The following ICA1L variants were observed in gnomAD, a reference collection of about 807,000 sequenced individuals.
The protein encoded by ICA1L is islet cell autoantigen 1 like.
A neutral mutation model predicts 61.3 loss-of-function variants in ICA1L; 50 were observed. The ratio of observed to expected loss-of-function variants is 0.82; its 90% CI spans 0.65 to 1.03. ICA1L has a LOEUF of 1.03. Among genes scored for constraint, ICA1L ranks in the 50% least tolerant of loss-of-function variants. The probability of loss-of-function intolerance (pLI) is 0.00; values close to 1 mark genes in which losing one functional copy is unlikely to be tolerated. For missense variants in ICA1L, 508 were observed against 556.7 expected (o/e 0.91, Z 0.88); for synonymous variants, 161 against 191.3 (o/e 0.84, Z 1.31).
intron 9 of ICA1L, among the ~76,000 whole-genome samples, chr2:202,804,002 C>A (rs1372314612): frequency 6.6e-6 from 1 of 152,036 alleles, no homozygotes; most frequent in Non-Finnish European, 1.5e-5. Flanking sequence ...ATAATAGTTT[C>A]TTTTAAAGAC....
At chr2:202,862,000 C>T (rs1694931315) in intron 1 of ICA1L, among the ~76,000 whole-genome samples, 1 of 141,376 alleles carries the variant, frequency 7.1e-6, no homozygotes, top group South Asian at 2.2e-4. Flanking sequence ...CATTTATACA[C>T]CAGTCCACCC....
chr2:202,852,995 C>A (rs1456932539), intron 1 of ICA1L, among the ~76,000 whole-genome samples: 2 of 151,780 alleles, frequency 1.3e-5, no homozygotes, highest in Admixed American at 1.3e-4. Flanking sequence ...AACTGGCTAG[C>A]CATATATAGA....
chr2:202,796,898 G>T lies in ICA1L; in HGVS notation c.977C>A (p.Ser326Tyr), dbSNP rs144323453. 6.0e-5 allele frequency: 94 copies of T among 1,570,162 alleles called. No individual in the cohort carries two copies. The highest frequency in any genetic ancestry group is 9.6e-6 in the Non-Finnish European group (11 of 1,150,844). Reference protein sequence around the residue: ...REFGAPQFSNSENVAKDLPVD... With the variant: ...REFGAPQFSNYENVAKDLPVD... ...AGTGAAATGATTCTTACCATTTTCA[G>T]AGTTAGAAAACTGAGGTGCTCCAAA... Residue 326 changes from serine (S) to tyrosine (Y), a missense_variant, in exon 10 of 13, where the codon TCT (serine) becomes TAT (tyrosine). Physicochemically the swap from Ser to Tyr is moderately radical, Grantham distance 144. Transcript: ENST00000358299.
intron 1 of ICA1L, among the ~76,000 whole-genome samples, chr2:202,835,461 C>T (rs1403160058): frequency 6.6e-6 from 1 of 151,816 alleles, no homozygotes; most frequent in Non-Finnish European, 1.5e-5. Flanking sequence ...CCACCTTGGC[C>T]TCCCAAAGTG....
intron 1 of ICA1L, among the ~76,000 whole-genome samples, chr2:202,829,493 C>T (rs1693953719): frequency 6.6e-6 from 1 of 152,128 alleles, no homozygotes. Context: ...TTCCATCGCT[C>T]ATGCTGGAGT....
chr2:202,870,385 C>T (rs989421981), intron 1 of ICA1L: 3 of 152,144 alleles, frequency 2.0e-5, no homozygotes, highest in African/African-American at 4.8e-5. Context: ...AGAACACTGC[C>T]TTCCACATAG....
rs755524229 is a variant in ICA1L, at chr2:202,804,043, TA to T, written c.911-7080del. 2.0e-5 allele frequency among the ~76,000 whole-genome samples: 3 copies of T among 152,350 alleles called. No individual in the cohort carries two copies. In the South Asian group the frequency reaches 6.2e-4, roughly 32 times the overall value. On this transcript the variant is annotated intron_variant, in intron 9 of 12. Transcript: ENST00000358299. ...TCCTTCAAGCCTCCTTGCTTTGTGCTAATAACTCTTTGTTAAGCCCTAATGT... is the reference window on the plus strand; with the variant it reads ...TCCTTCAAGCCTCCTTGCTTTGTGCTATAACTCTTTGTTAAGCCCTAATGT...
intron 12 of ICA1L, among the ~76,000 whole-genome samples, chr2:202,781,844 C>G (rs1692415999): frequency 6.6e-6 from 1 of 152,090 alleles, no homozygotes; most frequent in African/African-American, 2.4e-5. Context: ...GCCAGTTTTC[C>G]AAGTGGTATT....
chr2:202,836,806 G>T lies in ICA1L; in HGVS notation c.-7-7790C>A, dbSNP rs13017420. Among the ~76,000 whole-genome samples the T allele has an allele frequency of 3.6e-3, 211 of 59,264 alleles. 3 individuals are homozygous for T. Among genetic ancestry groups the T allele is most frequent in the South Asian group, 7.4e-3 (6 of 814 alleles). 38.9% of individuals were successfully genotyped at this position (59,264 alleles called of 152,430 possible). A position where few individuals can be genotyped will look rare whatever the true frequency, so the allele number is the denominator to read the frequency against. The stretch of plus-strand genomic sequence containing the variant: ...TAGTGTGTGTATATCTATATATATA[G>T]ATATATATAGATATATAGATATAGA... On this transcript the variant is annotated intron_variant, in intron 1 of 12. Coordinates refer to ENST00000358299, the MANE Select transcript of ICA1L (RefSeq NM_001288622.3).
At chr2:202,793,616 T>G (rs868159204) in intron 10 of ICA1L, among the ~76,000 whole-genome samples, 1 of 144,328 alleles carries the variant, frequency 6.9e-6, no homozygotes. Context: ...GAGGTGGAGG[T>G]TCCAGTGAGC....
chr2:202,792,663 G>A (rs571146444), intron 10 of ICA1L, among the ~76,000 whole-genome samples: 17 of 152,078 alleles, frequency 1.1e-4, no homozygotes, highest in South Asian at 6.3e-4. Flanking sequence ...CAAATTAGCC[G>A]GGCATGGTGA....
intron 1 of ICA1L, among the ~76,000 whole-genome samples, chr2:202,832,651 C>A (rs539300893): frequency 6.6e-6 from 1 of 152,158 alleles, no homozygotes; most frequent in South Asian, 2.1e-4. Flanking sequence ...TGGAGGCTCA[C>A]ACCTGTAATC....
intron 1 of ICA1L, among the ~76,000 whole-genome samples, chr2:202,867,561 A>G (rs1687552755): frequency 6.6e-6 from 1 of 152,238 alleles, no homozygotes. Context: ...TCTGTGGTCC[A>G]TCATTGACCA....
chr2:202,798,189 T>G (rs1692986772), intron 9 of ICA1L, among the ~76,000 whole-genome samples: 1 of 152,212 alleles, frequency 6.6e-6, no homozygotes, highest in Non-Finnish European at 1.5e-5. Context: ...TGATGAACAC[T>G]TACAATGATT....
rs980885751 is a variant in ICA1L, at chr2:202,774,906, C to T, written c.*4627G>A. The T allele has an allele frequency of 1.3e-5, 2 of 152,366 alleles. No individual in the cohort carries two copies. The highest frequency in any genetic ancestry group is 4.8e-5 in the African/African-American group (2 of 41,564). 9.4% of individuals were successfully genotyped at this position (152,366 alleles called of 1,614,324 possible). ...GCAAAATCTCACCCACAACACCAGT[C>T]AGAACTTCATCTCCTTTTTGTATTT... On this transcript the variant is annotated 3_prime_UTR_variant, in exon 13 of 13. Coordinates refer to ENST00000358299, the MANE Select transcript of ICA1L (RefSeq NM_001288622.3).
intron 1 of ICA1L, among the ~76,000 whole-genome samples, chr2:202,850,056 G>GAAA (rs1559147572): frequency 6.6e-6 from 1 of 152,132 alleles, no homozygotes; most frequent in Non-Finnish European, 1.5e-5. Context: ...CAGAAGAGGG[G>GAAA]CCTGTTAGAA....
At chr2:202,788,114 A>G (rs1692643683) in intron 11 of ICA1L, among the ~76,000 whole-genome samples, 1 of 152,234 alleles carries the variant, frequency 6.6e-6, no homozygotes, top group South Asian at 2.1e-4. Flanking sequence ...GGCAGGTTTT[A>G]TCCCTGGAAA....
intron 6 of ICA1L, 91 bp downstream of exon 6, chr2:202,817,327 C>T: frequency 8.5e-7 from 1 of 1,179,776 alleles, no homozygotes; most frequent in Non-Finnish European, 1.2e-6. Flanking sequence ...TCTAATCATA[C>T]ATAAATTTTT....
chr2:202,838,163 T>G (rs1694207170), intron 1 of ICA1L, among the ~76,000 whole-genome samples: 1 of 152,220 alleles, frequency 6.6e-6, no homozygotes, highest in Admixed American at 6.5e-5. Context: ...GTTTTAAGAT[T>G]TTTAAAATTT....
Sources: gnomAD v4.1 joint callset for allele counts (sites outside exome capture counted in the v4.1 genomes callset) on GRCh38, gnomAD v4.1.1 for gene constraint, MANE v1.5 for transcripts, NCBI Gene and HGNC (gene_info 2026-07-23, HGNC 2026-07-21) for gene names.